ZNF385A: variants seen among roughly 807,000 people sequenced by gnomAD.
ZNF385A encodes hematopoietic zinc finger protein.
ZNF385A carries 14 observed loss-of-function variants against 32.1 expected under a neutral mutation model. The ratio of observed to expected loss-of-function variants is 0.44; its 90% CI spans 0.29 to 0.68. ZNF385A has a LOEUF of 0.68. Among genes scored for constraint, ZNF385A ranks in the 30% least tolerant of loss-of-function variants. The pLI is 0.14. For synonymous variants in ZNF385A, 197 were observed against 202.7 expected (o/e 0.97, Z 0.24); for missense variants, 406 against 478.4 (o/e 0.85, Z 1.41).
At chr12:54,379,795 C>G (rs1385730545) in intron 1 of ZNF385A, among the ~76,000 whole-genome samples, 2 of 152,224 alleles carry the variant, frequency 1.3e-5, no homozygotes, top group Non-Finnish European at 2.9e-5. Flanking sequence ...CCGCCACCTG[C>G]CGGAGAACCA....
chr12:54,388,051 G>C (rs1249432573), upstream of ZNF385A, among the ~76,000 whole-genome samples: 15 of 122,636 alleles, frequency 1.2e-4, no homozygotes, highest in South Asian at 4.9e-3. Flanking sequence ...GTGTAAGTGT[G>C]TGTGTGTGTG....
chr12:54,376,017 A>G, intron 1 of ZNF385A, 63 bp from the exon 2 acceptor site: 1 of 1,363,762 alleles, frequency 7.3e-7, no homozygotes, highest in South Asian at 1.2e-5. Context: ...CATTCCCCCA[A>G]CACAGATATC....
At position 54,375,735 on chromosome 12, in the gene ZNF385A, C is replaced by T. The variant is rs1592243186; in HGVS notation, c.198+109G>A. On this transcript the variant is annotated intron_variant, in intron 2 of 6. Transcript: ENST00000394313. ...GCTCTTTGCCTAATATCCCCTTAAT[C>T]CCTGCCCCTCAACCAGAGTAAGTGT... is the stretch of plus-strand genomic sequence containing the variant. The T allele has an allele frequency of 3.3e-6, 3 of 915,102 alleles. No homozygotes were observed. In the East Asian group the frequency reaches 7.6e-5, roughly 23 times the overall value. 56.7% of individuals were successfully genotyped at this position (915,102 alleles called of 1,614,324 possible).
At chr12:54,389,517 G>C (rs12312269), upstream of ZNF385A, among the ~76,000 whole-genome samples, 10,678 of 152,184 alleles carry the variant, frequency 0.07, 1,006 homozygotes, top group African/African-American at 0.22. Flanking sequence ...TTGTGGCTGT[G>C]GTCCAGTTTC....
Position 54,384,695 on chromosome 12 carries a change from C to G in ZNF385A, c.-181G>C, listed in dbSNP as rs1327640712. 5.9e-6 allele frequency: 8 copies of G among 1,363,454 alleles called. No individual in the cohort carries two copies. Among genetic ancestry groups the G allele is most frequent in the Non-Finnish European group, 7.5e-6 (8 of 1,062,406 alleles). The allele number at this position is 1,363,454 out of a possible 1,614,324, so 84.5% of individuals were successfully genotyped here. Reference sequence around the variant, plus strand: ...TGTCACCCTCAGTGCACATAGTGTACACACTTCCCCTGCTGGCTCCAGAGC... The same window carrying G: ...TGTCACCCTCAGTGCACATAGTGTAGACACTTCCCCTGCTGGCTCCAGAGC... On this transcript the variant is annotated 5_prime_UTR_variant, in exon 1 of 7. Coordinates refer to ENST00000394313, the MANE Select transcript of ZNF385A (RefSeq NM_015481.3).
chr12:54,386,100 T>C (rs1955467773), upstream of ZNF385A, among the ~76,000 whole-genome samples: 1 of 151,596 alleles, frequency 6.6e-6, no homozygotes, highest in Non-Finnish European at 1.5e-5. Flanking sequence ...GACCCTTAAG[T>C]AGCTGGGGGT....
chr12:54,370,255 G>T lies in ZNF385A; in HGVS notation c.*1C>A. 2 of 1,454,422 alleles carry T rather than the reference G, an allele frequency of 1.4e-6. No homozygotes were observed. The highest frequency in any genetic ancestry group is 1.5e-5 in the South Asian group (1 of 68,236). The allele number at this position is 1,454,422 out of a possible 1,614,324, so 90.1% of individuals were successfully genotyped here. ...TGAATGGGAGGGGTTCAGGGTTGAG[G>T]TCAGTACGGGGAGAAGAGGATGGGT... On this transcript the variant is annotated 3_prime_UTR_variant, in exon 7 of 7. Coordinates refer to ENST00000394313, the MANE Select transcript of ZNF385A (RefSeq NM_015481.3). This position sits in a 1 kb window ranked among gnomAD's most constrained non-coding sequence, Gnocchi z 5.5.
At chr12:54,388,383 T>A (rs949893563), upstream of ZNF385A, among the ~76,000 whole-genome samples, 23 of 152,304 alleles carry the variant, frequency 1.5e-4, no homozygotes, top group Middle Eastern at 3.4e-3. Flanking sequence ...CTTCCTCTAA[T>A]GGTCTTTTCC....
At chr12:54,391,055 AAG>A (rs1345221794) in intron 1 of ZNF385A, among the ~76,000 whole-genome samples, 1 of 151,862 alleles carries the variant, frequency 6.6e-6, no homozygotes, top group Non-Finnish European at 1.5e-5. Context: ...CAGCCTGGGA[AAG>A]AGGGGAAGAG....
At chr12:54,386,896 T>C (rs1592273558), upstream of ZNF385A, among the ~76,000 whole-genome samples, 2 of 152,340 alleles carry the variant, frequency 1.3e-5, no homozygotes, top group South Asian at 4.1e-4. Flanking sequence ...GAAGTAGCCA[T>C]GATTCAATGA....
chr12:54,374,026 G>A lies in ZNF385A; in HGVS notation c.308C>T (p.Pro103Leu). ...TGTTGGGGTGCTGCCTGGGGGAGCT[G>A]GGTCTCCAGGTTCTCGGACGCCAGG... is the stretch of plus-strand genomic sequence containing the variant. ...REPGVREPGD[P>L]APPGSTPTNG... Residue 103 changes from proline (P) to leucine (L), a missense_variant, in exon 3 of 7, where the codon CCA becomes CTA. Transcript: ENST00000394313. 6.3e-7 allele frequency: 1 copy of A among 1,597,468 alleles called. No individual in the cohort carries two copies. The highest frequency in any genetic ancestry group is 8.6e-7 in the Non-Finnish European group (1 of 1,169,290).
upstream of ZNF385A, chr12:54,385,694 GC>G (rs991220779): frequency 6.1e-6 from 6 of 985,234 alleles, no homozygotes; most frequent in South Asian, 9.4e-5. Flanking sequence ...GATGCCTGCT[GC>G]CCCCAGGCAG....
At chr12:54,384,082 C>T (rs1955339521) in intron 1 of ZNF385A, among the ~76,000 whole-genome samples, 1 of 152,168 alleles carries the variant, frequency 6.6e-6, no homozygotes, top group Non-Finnish European at 1.5e-5. Flanking sequence ...TTTCTGGATT[C>T]AGCACCTACA....
upstream of ZNF385A, among the ~76,000 whole-genome samples, chr12:54,386,601 G>A (rs1244183564): frequency 6.6e-6 from 1 of 152,138 alleles, no homozygotes; most frequent in Non-Finnish European, 1.5e-5. Context: ...GGCGGCATCA[G>A]GAATGGTGAG....
intron 1 of ZNF385A, among the ~76,000 whole-genome samples, chr12:54,382,184 C>T (rs973073008): frequency 4.0e-5 from 6 of 151,782 alleles, no homozygotes; most frequent in African/African-American, 1.5e-4. Flanking sequence ...TCTTCTGCCT[C>T]AGCCTCCGGA....
chr12:54,382,731 C>A (rs1035146576), intron 1 of ZNF385A, among the ~76,000 whole-genome samples: 1 of 152,024 alleles, frequency 6.6e-6, no homozygotes, highest in South Asian at 2.1e-4. Flanking sequence ...GCTGACTTTC[C>A]CCAAACTTTT....
At chr12:54,371,221 TCTAA>T (rs3830651) in intron 4 of ZNF385A, 125 bp from the exon 5 acceptor site, 933,973 of 1,170,246 alleles carry the variant, frequency 0.8, 376,117 homozygotes, top group Middle Eastern at 0.86. Context: ...GTGGGTTCTT[TCTAA>T]CTAAGCTCCT....
At chr12:54,384,285 T>C in intron 1 of ZNF385A, 143 bp downstream of exon 1, 3 of 1,038,194 alleles carry the variant, frequency 2.9e-6, no homozygotes, top group Non-Finnish European at 4.1e-6. Flanking sequence ...TGGCCCACAA[T>C]ACTCAAAATT....
At chr12:54,372,446 T>C (rs2706247) in intron 3 of ZNF385A, among the ~76,000 whole-genome samples, 113,534 of 152,078 alleles carry the variant, frequency 0.75, 42,958 homozygotes, top group Middle Eastern at 0.9. Flanking sequence ...TCATCCTATG[T>C]CCTTCCCCTT....
Sources: gnomAD v4.1 joint callset for allele counts (sites outside exome capture counted in the v4.1 genomes callset) on GRCh38, gnomAD v4.1.1 for gene constraint, Gnocchi (gnomAD v3.1) non-coding constraint, MANE v1.5 for transcripts, NCBI Gene and HGNC (gene_info 2026-07-23, HGNC 2026-07-21) for gene names.